The following RFX7 variants were observed in gnomAD, a reference collection of about 807,000 sequenced individuals.
The protein encoded by RFX7 is DNA-binding protein RFX7.
RFX7 carries 26 observed loss-of-function variants against 111.8 expected under a neutral mutation model. That is an observed-to-expected ratio of 0.23 (90% CI 0.17 to 0.32). The LOEUF (loss-of-function observed/expected upper bound fraction) is 0.32. RFX7 is among the 10% of genes least tolerant of loss of function. RFX7 has a pLI of 1.00. For synonymous variants in RFX7, 624 were observed against 624.4 expected (o/e 1.00, Z 0.01); for missense variants, 1,573 against 1,772.9 (o/e 0.89, Z 2.02).
intron 3 of RFX7, among the ~76,000 whole-genome samples, chr15:56,153,827 A>G (rs531283234): frequency 1.3e-5 from 2 of 152,308 alleles, no homozygotes; most frequent in African/African-American, 4.8e-5. Context: ...AAGGGTATTC[A>G]AATAGGAAGA....
rs1011641792 is a variant in RFX7 at position 56,239,458 on chromosome 15, C to T, written c.161+3667G>A. Among the ~76,000 whole-genome samples, 13 of 151,936 alleles carry T rather than the reference C, an allele frequency of 8.6e-5. No individual in the cohort carries two copies. In the South Asian group the frequency reaches 1.5e-3, roughly 17 times the overall value. ...TAATTTTTTGTATTTTTAGTAGAGACGGGGTTTCACCATGGCCAGGCTGGT... is the reference window on the plus strand; with the variant it reads ...TAATTTTTTGTATTTTTAGTAGAGATGGGGTTTCACCATGGCCAGGCTGGT... On this transcript the variant is annotated intron_variant, in intron 2 of 9. Transcript: ENST00000559447.
intron 2 of RFX7, chr15:56,193,290 C>T (rs1479628837): frequency 2.0e-5 from 3 of 152,362 alleles, no homozygotes; most frequent in Admixed American, 1.3e-4. Flanking sequence ...GCGACTGCAA[C>T]AAGACCCAGG....
intron 5 of RFX7, among the ~76,000 whole-genome samples, chr15:56,140,520 A>G (rs1400627220): frequency 6.6e-6 from 1 of 151,908 alleles, no homozygotes; most frequent in Non-Finnish European, 1.5e-5. Flanking sequence ...ACTGTCTGGC[A>G]CTCCCTAGTG....
intron 2 of RFX7, among the ~76,000 whole-genome samples, chr15:56,218,410 G>A (rs2043389424): frequency 6.6e-6 from 1 of 152,072 alleles, no homozygotes; most frequent in Non-Finnish European, 1.5e-5. Context: ...GGGATTACAG[G>A]CGTGAGCCAC....
chr15:56,224,467 T>TTGTGTGTGTG lies in RFX7; in HGVS notation c.161+18648_161+18657dup, dbSNP rs58795247. Among the ~76,000 whole-genome samples the TTGTGTGTGTG allele has an allele frequency of 4.2e-3, 625 of 147,306 alleles. 3 individuals carry two copies. The highest frequency in any genetic ancestry group is 9.9e-3 in the African/African-American group (399 of 40,306). On this transcript the variant is annotated intron_variant, in intron 2 of 9. Coordinates refer to ENST00000559447, the MANE Select transcript of RFX7 (RefSeq NM_022841.7). ...ACTCTCTTTTGCCAAGATTAGGATT[T>TTGTGTGTGTG]TGTGTGTGTGTGTGTGTGTGTGTGT...
chr15:56,140,000 G>A lies in RFX7; in HGVS notation c.401+2778C>T, dbSNP rs553005593. 4.6e-5 allele frequency among the ~76,000 whole-genome samples: 7 copies of A among 152,260 alleles called. No homozygotes were observed. The East Asian group carries it at 1.2e-3, about 25-fold the overall frequency. On this transcript the variant is annotated intron_variant, in intron 5 of 9. Coordinates refer to ENST00000559447, the MANE Select transcript of RFX7 (RefSeq NM_022841.7). ...TCAGATCTCCAGCTGCGTGCTGGGA[G>A]AACCACTGCTCTCTTCAAAGCTGTC...
Position 56,196,452 on chromosome 15 carries a change from T to TA in RFX7, c.162-17150dup, listed in dbSNP as rs1458052467. Among the ~76,000 whole-genome samples, 36 of 151,722 alleles carry TA rather than the reference T, an allele frequency of 2.4e-4. 1 individual carries two copies. The highest frequency in any genetic ancestry group is 7.5e-4 in the African/African-American group (31 of 41,262). On this transcript the variant is annotated intron_variant, in intron 2 of 9. Coordinates refer to ENST00000559447, the MANE Select transcript of RFX7 (RefSeq NM_022841.7). Reference sequence around the variant, plus strand: ...CTGCGGCATGTATCACTCTTTTTTTTAAAAAAATTTACTTAATAGGCATTA... The same window carrying TA: ...CTGCGGCATGTATCACTCTTTTTTTTAAAAAAAATTTACTTAATAGGCATTA...
chr15:56,133,550 AG>A (rs1308893378), intron 5 of RFX7, among the ~76,000 whole-genome samples: 1 of 152,104 alleles, frequency 6.6e-6, no homozygotes, highest in Non-Finnish European at 1.5e-5. Flanking sequence ...GATCCTGTTA[AG>A]TTTTTGTTCG....
Position 56,174,489 on chromosome 15 carries a change from C to A in RFX7, c.195+4781G>T, listed in dbSNP as rs73409487. ...GGGCACGGTTGCTCATACCTGTAAT[C>A]CCATCTCAAAGCACTTTGGGAGGCG... On this transcript the variant is annotated intron_variant, in intron 3 of 9. Coordinates refer to ENST00000559447, the MANE Select transcript of RFX7 (RefSeq NM_022841.7). Among the ~76,000 whole-genome samples the A allele has an allele frequency of 2.8e-3, 424 of 152,182 alleles. 2 individuals are homozygous for A. The highest frequency in any genetic ancestry group is 9.8e-3 in the African/African-American group (408 of 41,542).
chr15:56,154,402 C>CA (rs199771982), intron 3 of RFX7, among the ~76,000 whole-genome samples: 30,140 of 152,086 alleles, frequency 0.2, 3,423 homozygotes, highest in East Asian at 0.45. Context: ...CTACAGTAAC[C>CA]AAACAGCATG....
chr15:56,094,706 T>C lies in RFX7; in HGVS notation c.3022A>G (p.Asn1008Asp). ...CTGGGGGGGACACTACTGCTGCAGT[T>C]AGAATGTGGAGTACCAATGGGTGTA... ...RHTPIGTPHS[N>D]CSSSVPPSPV... The change falls in exon 10 of 10, where the codon AAC becomes GAC. Residue 1008 changes from asparagine (N) to aspartate (D), a missense_variant. Physicochemically the swap from Asn to Asp is conservative, Grantham distance 23. This residue lies in a region of RFX7 where 625 missense variants were observed against 632.2 expected (regional missense o/e 0.99). Transcript: ENST00000559447. The C allele has an allele frequency of 6.2e-7, 1 of 1,613,848 alleles. No individual in the cohort carries two copies. Among genetic ancestry groups the C allele is most frequent in the Non-Finnish European group, 8.5e-7 (1 of 1,179,862 alleles).
intron 8 of RFX7, among the ~76,000 whole-genome samples, chr15:56,100,246 A>G (rs1327350491): frequency 1.3e-5 from 2 of 152,222 alleles, no homozygotes; most frequent in Admixed American, 6.5e-5. Context: ...GGGGAATTAA[A>G]TGAGGTAACA....
At chr15:56,102,813 C>T (rs1595924880) in intron 6 of RFX7, among the ~76,000 whole-genome samples, 1 of 152,114 alleles carries the variant, frequency 6.6e-6, no homozygotes, top group Non-Finnish European at 1.5e-5. Flanking sequence ...TTTAGAAAAG[C>T]AAGTTTCTTC....
chr15:56,134,227 G>A (rs2042258763), intron 5 of RFX7, among the ~76,000 whole-genome samples: 1 of 152,046 alleles, frequency 6.6e-6, no homozygotes. Flanking sequence ...GGTTTCAAAT[G>A]TTTTCATCTA....
At chr15:56,180,533 G>C (rs190965428) in intron 2 of RFX7, among the ~76,000 whole-genome samples, 4 of 152,038 alleles carry the variant, frequency 2.6e-5, no homozygotes, top group African/African-American at 9.7e-5. Flanking sequence ...TGAGATGTGA[G>C]AGTAATCTAC....
chr15:56,106,043 C>G (rs1381140925), intron 5 of RFX7, among the ~76,000 whole-genome samples: 3 of 152,172 alleles, frequency 2.0e-5, no homozygotes, highest in Admixed American at 2.0e-4. Context: ...AAAGTCCATA[C>G]AGCAGGCAGA....
intron 2 of RFX7, among the ~76,000 whole-genome samples, chr15:56,196,452 T>A (rs2119938): frequency 0.95 from 144,111 of 151,694 alleles, 68,936 homozygotes; most frequent in East Asian, 1. Context: ...CTCTTTTTTT[T>A]AAAAAAATTT....
At chr15:56,110,201 TG>T (rs2041898875) in intron 5 of RFX7, among the ~76,000 whole-genome samples, 2 of 81,208 alleles carry the variant, frequency 2.5e-5, no homozygotes, top group South Asian at 5.2e-4. Context: ...AGCCTCTGCC[TG>T]GCCGCCCCTA....
chr15:56,138,291 G>T (rs2042335668), intron 5 of RFX7, among the ~76,000 whole-genome samples: 1 of 148,026 alleles, frequency 6.8e-6, no homozygotes, highest in Non-Finnish European at 1.5e-5. Context: ...TTATGAATCT[G>T]GGTGCTCTTG....
Sources: allele counts gnomAD v4.1 joint callset (sites outside exome capture counted in the v4.1 genomes callset), GRCh38; gene constraint gnomAD v4.1.1; regional missense constraint gnomAD v4.1.1; transcripts MANE v1.5; gene names NCBI Gene and HGNC (gene_info 2026-07-23, HGNC 2026-07-21).